The following PSMA4 variants were observed in gnomAD, a reference collection of about 807,000 sequenced individuals.
The protein encoded by PSMA4 is proteasome 20S subunit alpha 4.
A neutral mutation model predicts 37.2 loss-of-function variants in PSMA4; 8 were observed. The observed-to-expected ratio is 0.22, with a 90% CI of 0.13 to 0.39. The LOEUF is 0.39. Among genes scored for constraint, PSMA4 ranks in the 10% least tolerant of loss-of-function variants. The probability of loss-of-function intolerance (pLI) is 1.00; values close to 1 mark genes in which losing one functional copy is unlikely to be tolerated. For synonymous variants in PSMA4, 93 were observed against 98.8 expected, an observed-to-expected ratio of 0.94 and a Z score of 0.35; for missense variants, 169 against 305.1, an observed-to-expected ratio of 0.55 and a Z score of 3.32.
rs2141382212 is a variant in PSMA4, at chr15:78,550,459, A to C, written c.*1515A>C. The C allele has an allele frequency of 6.6e-6, 1 of 151,252 alleles. No homozygotes were observed. Among genetic ancestry groups the C allele is most frequent in the African/African-American group, 2.4e-5 (1 of 41,036 alleles). The allele number at this position is 151,252 out of a possible 1,614,324, so 9.4% of individuals were successfully genotyped here. A position where few individuals can be genotyped will look rare whatever the true frequency, so the allele number is the denominator to read the frequency against. ...TGACCTCCCAAAGTGTTGACATCAC[A>C]GCCCTCTTATGCTTAGGAACAACAC... On this transcript the variant is annotated 3_prime_UTR_variant, in exon 9 of 9. Transcript: ENST00000044462.
At chr15:78,544,819 C>T (rs1351658891) in intron 5 of PSMA4, 50 bp from the exon 6 acceptor site, 2 of 1,260,436 alleles carry the variant, frequency 1.6e-6, no homozygotes, top group South Asian at 2.5e-5. Flanking sequence ...TCCTTAGAGT[C>T]TGTCTGTGTT....
chr15:78,542,107 C>T, intron 2 of PSMA4, 70 bp from the exon 3 acceptor site: 1 of 1,525,718 alleles, frequency 6.6e-7, no homozygotes, highest in Non-Finnish European at 9.1e-7. Flanking sequence ...TTTGTAAGAT[C>T]ATTTGTAGGC....
rs1044470114 is a variant in PSMA4 at position 78,551,596 on chromosome 15, G to A, written c.*2652G>A. 2.6e-5 allele frequency: 4 copies of A among 151,658 alleles called. No individual in the cohort carries two copies. In the East Asian group the frequency reaches 7.8e-4, roughly 29 times the overall value. 9.4% of individuals were successfully genotyped at this position (151,658 alleles called of 1,614,324 possible). A position where few individuals can be genotyped will look rare whatever the true frequency, so the allele number is the denominator to read the frequency against. On this transcript the variant is annotated 3_prime_UTR_variant, in exon 9 of 9. Coordinates refer to ENST00000044462, the MANE Select transcript of PSMA4 (RefSeq NM_002789.6). ...GCACTCATCACCAGCTGGCATATTT[G>A]TTTCTTGTCTCTCCCCACTGGAATA...
In PSMA4 at chr15:78,540,951, G is replaced by A. The variant is rs1197080466; in HGVS notation, c.-24+412G>A. On this transcript the variant is annotated intron_variant, in intron 1 of 8. Transcript: ENST00000044462. The stretch of plus-strand genomic sequence containing the variant: ...TTAAAGCTCGAATCAGAAATCCCCG[G>A]CGAGTGTCTCTGTGTCCTCCCTGCT... The A allele has an allele frequency of 4.6e-5, 7 of 152,460 alleles. 1 individual carries two copies. The South Asian group carries it at 1.4e-3, about 32-fold the overall frequency. The allele number at this position is 152,460 out of a possible 1,614,324, so 9.4% of individuals were successfully genotyped here.
intron 6 of PSMA4, 148 bp from the exon 7 acceptor site, chr15:78,545,486 G>A (rs951622660): frequency 1.2e-5 from 11 of 886,312 alleles, no homozygotes; most frequent in Non-Finnish European, 1.9e-5. Flanking sequence ...ATTTGTAATG[G>A]AGCTTATCTA....
chr15:78,544,521 G>A (rs568686743), intron 5 of PSMA4: 2 of 449,258 alleles, frequency 4.5e-6, no homozygotes, highest in South Asian at 2.8e-5. Context: ...GGATGGTCTC[G>A]ATTTCCTGAC....
chr15:78,544,009 T>C, intron 4 of PSMA4, 181 bp from the exon 5 acceptor site: 1 of 532,790 alleles, frequency 1.9e-6, no homozygotes, highest in Non-Finnish European at 3.3e-6. Flanking sequence ...TCTTTCATGT[T>C]GAGTGACATC....
chr15:78,542,264 G>A (rs1160074096), intron 3 of PSMA4, 45 bp downstream of exon 3: 1 of 1,540,414 alleles, frequency 6.5e-7, no homozygotes, highest in East Asian at 2.3e-5. Context: ...AAAAATAAAT[G>A]TGTTAGACTT....
Position 78,543,419 on chromosome 15 carries a change from A to C in PSMA4, c.210-771A>C, listed in dbSNP as rs146225145. ...AGGGCAGCCCTCAGGAAGTGGGCCC[A>C]AAAAAATGAAATGCACCTCTAGTAG... On this transcript the variant is annotated intron_variant, in intron 4 of 8. Transcript: ENST00000044462. Among the ~76,000 whole-genome samples, 475 of 152,092 alleles carry C rather than the reference A, an allele frequency of 3.1e-3. 1 individual carries two copies. The highest frequency in any genetic ancestry group is 0.011 in the African/African-American group (462 of 41,532).
intron 1 of PSMA4, chr15:78,541,540 CCT>C (rs1315742747): frequency 2.2e-5 from 6 of 268,862 alleles, no homozygotes; most frequent in East Asian, 1.3e-4. Context: ...TCTTTCTTCC[CCT>C]GTTCTTTCTC....
chr15:78,541,566 T>C (rs1567032977), intron 1 of PSMA4: 4 of 318,406 alleles, frequency 1.3e-5, no homozygotes, highest in South Asian at 1.1e-4. Flanking sequence ...GACCCAAGGG[T>C]TCTCAGCCTT....
chr15:78,544,845 A>G (rs776518558), intron 5 of PSMA4, 24 bp from the exon 6 acceptor site: 3 of 1,488,246 alleles, frequency 2.0e-6, no homozygotes, highest in Non-Finnish European at 1.9e-6. Context: ...GAAAACTACT[A>G]ATGTGCCCAT....
In PSMA4 at chr15:78,551,595, T is replaced by G. The variant is rs948718515; in HGVS notation, c.*2651T>G. ...AGCACTCATCACCAGCTGGCATATT[T>G]GTTTCTTGTCTCTCCCCACTGGAAT... On this transcript the variant is annotated 3_prime_UTR_variant, in exon 9 of 9. Transcript: ENST00000044462. 2 of 152,058 alleles carry G rather than the reference T, an allele frequency of 1.3e-5. No individual in the cohort carries two copies. The highest frequency in any genetic ancestry group is 4.8e-5 in the African/African-American group (2 of 41,392). The allele number at this position is 152,058 out of a possible 1,614,324, so 9.4% of individuals were successfully genotyped here.
chr15:78,545,036 A>G (rs1204679898), intron 6 of PSMA4, 79 bp downstream of exon 6: 2 of 929,480 alleles, frequency 2.2e-6, no homozygotes, highest in African/African-American at 1.7e-5. Flanking sequence ...GTAGTAAAAA[A>G]TTGAAAATAG....
At chr15:78,545,328 C>G (rs1240913588) in intron 6 of PSMA4, among the ~76,000 whole-genome samples, 9 of 152,144 alleles carry the variant, frequency 5.9e-5, no homozygotes, top group Admixed American at 5.9e-4. Flanking sequence ...TGTAGATTAC[C>G]CTCGTTTTAT....
At position 78,548,979 on chromosome 15, in the gene PSMA4, T is replaced by G; in HGVS notation, c.*35T>G. On this transcript the variant is annotated 3_prime_UTR_variant, in exon 9 of 9. Coordinates refer to ENST00000044462, the MANE Select transcript of PSMA4 (RefSeq NM_002789.6). ...TTTTATTACTCATTTGGGGCACCAT[T>G]TCAGTGTAAAAGCAGTCCTACTCTT... 2 of 1,586,336 alleles carry G rather than the reference T, an allele frequency of 1.3e-6. No homozygotes were observed. Among genetic ancestry groups the G allele is most frequent in the South Asian group, 2.3e-5 (2 of 85,164 alleles).
At chr15:78,545,209 T>C (rs1447350023) in intron 6 of PSMA4, among the ~76,000 whole-genome samples, 1 of 152,230 alleles carries the variant, frequency 6.6e-6, no homozygotes, top group Non-Finnish European at 1.5e-5. Context: ...CATATCCTTC[T>C]AGCTATTTGA....
chr15:78,545,223 T>C (rs1042815705), intron 6 of PSMA4, among the ~76,000 whole-genome samples: 1 of 152,224 alleles, frequency 6.6e-6, no homozygotes, highest in East Asian at 1.9e-4. Flanking sequence ...TATTTGAAAC[T>C]AATATGTTAT....
chr15:78,546,682 ACT>A lies in PSMA4; in HGVS notation c.620_621del (p.Ser207CysfsTer2). ...TAAATAAGACCATGGATGTTAGTAAACTCTCTGCTGAAAAAGGTAATTCATAT... is the reference window on the plus strand; with the variant it reads ...TAAATAAGACCATGGATGTTAGTAAACTCTGCTGAAAAAGGTAATTCATAT... ...VLNKTMDVSKLSAEKVEIATL... is the reference protein window; with the variant it reads ...VLNKTMDVSKXSAEKVEIATL... On this transcript the variant is annotated frameshift_variant, in exon 8 of 9. Coordinates refer to ENST00000044462, the MANE Select transcript of PSMA4 (RefSeq NM_002789.6). LOFTEE classifies it high-confidence loss of function. 6.3e-7 allele frequency: 1 copy of A among 1,599,390 alleles called. No individual in the cohort carries two copies. The highest frequency in any genetic ancestry group is 8.5e-7 in the Non-Finnish European group (1 of 1,176,126).
Sources: allele counts gnomAD v4.1 joint callset (sites outside exome capture counted in the v4.1 genomes callset), GRCh38; gene constraint gnomAD v4.1.1; transcripts MANE v1.5; gene names NCBI Gene and HGNC (gene_info 2026-07-23, HGNC 2026-07-21).